The following CARM1 variants were observed in gnomAD, a reference collection of about 807,000 sequenced individuals.
CARM1 encodes coactivator associated arginine methyltransferase 1, also known as histone-arginine methyltransferase CARM1.
Under a neutral mutation model 72.7 loss-of-function variants are expected in CARM1, and 14 were observed. The observed-to-expected ratio is 0.19, with a 90% CI of 0.13 to 0.30. The LOEUF (loss-of-function observed/expected upper bound fraction) is 0.30, where lower values mean the gene tolerates loss of function less well. Among genes scored for constraint, CARM1 ranks in the 10% least tolerant of loss-of-function variants. CARM1 has a pLI of 1.00. For synonymous variants in CARM1, 333 were observed against 345.5 expected, an observed-to-expected ratio of 0.96 and a Z score of 0.40; for missense variants, 432 against 833.7, an observed-to-expected ratio of 0.52 and a Z score of 5.93.
chr19:10,921,754 C>A lies in CARM1; in HGVS notation c.1824C>A (p.Ser608Arg). Residue 608 changes from serine to arginine, a missense_variant, in exon 16 of 16, where the codon AGC becomes AGA. By Grantham distance (110) the Ser-to-Arg change is moderately radical. Coordinates refer to ENST00000327064, the MANE Select transcript of CARM1 (RefSeq NM_199141.2). ...CGACCAACACCATGCACTACGGGAGCTAGGGGCCCGCCCCGCGGACTGACA... is the reference window on the plus strand; with the variant it reads ...CGACCAACACCATGCACTACGGGAGATAGGGGCCCGCCCCGCGGACTGACA... ...SIPTNTMHYGS is the reference protein window; with the variant it reads ...SIPTNTMHYGR The A allele has an allele frequency of 6.3e-7, 1 of 1,594,812 alleles. No homozygotes were observed.
In CARM1 at chr19:10,905,021, C is replaced by G; in HGVS notation, c.291C>G (p.Ser97=). The G allele has an allele frequency of 6.2e-7, 1 of 1,614,200 alleles. No individual in the cohort carries two copies. Among genetic ancestry groups the G allele is most frequent in the Non-Finnish European group, 8.5e-7 (1 of 1,180,024 alleles). ...AGTGCAGCCGTGTGGGCAAGCAGTC[C>G]TTCATCATCACCCTGGGCTGCAACA... ...ETECSRVGKQ[S]FIITLGCNSV... The change falls in exon 2 of 16, where the codon TCC becomes TCG. Residue 97 remains serine, a synonymous_variant. Coordinates refer to ENST00000327064, the MANE Select transcript of CARM1 (RefSeq NM_199141.2).
intron 8 of CARM1, chr19:10,918,993 T>C (rs2053064): frequency 0.25 from 38,121 of 152,488 alleles, 4,844 homozygotes; most frequent in Middle Eastern, 0.34. Context: ...ACAGCAGCAC[T>C]AGTGTTGTTG....
In CARM1 at chr19:10,873,624, GTTTTTT is replaced by G. The variant is rs1169565864; in HGVS notation, c.220+1730_220+1735del. On this transcript the variant is annotated intron_variant, in intron 1 of 15. Transcript: ENST00000327064. ...TTTTTTTTAGAACAATTTTAGTTTA[GTTTTTT>G]TTTTTTTTTTTTTTTTTTTTTTTTT... Among the ~76,000 whole-genome samples the G allele has an allele frequency of 1.5e-4, 7 of 47,344 alleles. No homozygotes were observed. In the South Asian group the frequency reaches 5.1e-3, roughly 35 times the overall value. The allele number at this position is 47,344 out of a possible 152,430, so 31.1% of individuals were successfully genotyped here. A position where few individuals can be genotyped will look rare whatever the true frequency, so the allele number is the denominator to read the frequency against.
chr19:10,886,990 C>T (rs1372108566), intron 1 of CARM1, among the ~76,000 whole-genome samples: 1 of 152,244 alleles, frequency 6.6e-6, no homozygotes, highest in Non-Finnish European at 1.5e-5. Flanking sequence ...GCTGGGCCTC[C>T]TGCCTCGGTG....
At chr19:10,894,578 TTTGCCG>T (rs2074010612) in intron 1 of CARM1, among the ~76,000 whole-genome samples, 2 of 152,072 alleles carry the variant, frequency 1.3e-5, no homozygotes, top group Non-Finnish European at 2.9e-5. Context: ...CCGCCCCAGG[TTTGCCG>T]AGATAAATAG....
chr19:10,873,028 C>T (rs1381596103), intron 1 of CARM1, among the ~76,000 whole-genome samples: 4 of 152,130 alleles, frequency 2.6e-5, no homozygotes, highest in African/African-American at 9.7e-5. Context: ...TGTCTGCTGT[C>T]CGAGGGTGCC....
chr19:10,892,456 C>T (rs1001493237), intron 1 of CARM1, among the ~76,000 whole-genome samples: 1 of 152,184 alleles, frequency 6.6e-6, no homozygotes, highest in Non-Finnish European at 1.5e-5. Context: ...CCTCAGATAC[C>T]CGGGGCTGGG....
At position 10,922,079 on chromosome 19, in the gene CARM1, C is replaced by T. The variant is rs2074262399; in HGVS notation, c.*322C>T. The T allele has an allele frequency of 4.5e-6, 1 of 222,764 alleles. No individual in the cohort carries two copies. The highest frequency in any genetic ancestry group is 8.8e-6 in the Non-Finnish European group (1 of 114,012). The allele number at this position is 222,764 out of a possible 1,614,324, so 13.8% of individuals were successfully genotyped here. On this transcript the variant is annotated 3_prime_UTR_variant, in exon 16 of 16. Transcript: ENST00000327064. ...GGCGCCATGGGGCCTGCCAGCCCTGCCTGCCAGGTCCCTTAGCACCTGTCC... is the reference window on the plus strand; with the variant it reads ...GGCGCCATGGGGCCTGCCAGCCCTGTCTGCCAGGTCCCTTAGCACCTGTCC...
At chr19:10,903,992 A>G (rs1212024609) in intron 1 of CARM1, among the ~76,000 whole-genome samples, 1 of 152,026 alleles carries the variant, frequency 6.6e-6, no homozygotes, top group Non-Finnish European at 1.5e-5. Flanking sequence ...GTGTGGGCCC[A>G]GCCTCCCCAG....
At chr19:10,873,103 T>G (rs2073832937) in intron 1 of CARM1, among the ~76,000 whole-genome samples, 1 of 152,038 alleles carries the variant, frequency 6.6e-6, no homozygotes, top group Non-Finnish European at 1.5e-5. Flanking sequence ...GGAGGGTATT[T>G]CAGCGGGGGT....
rs1395639646 is a variant in CARM1 at position 10,916,103 on chromosome 19, G to A, written c.848-304G>A. 1.3e-5 allele frequency among the ~76,000 whole-genome samples: 2 copies of A among 152,334 alleles called. No homozygotes were observed. Among genetic ancestry groups the A allele is most frequent in the African/African-American group, 2.4e-5 (1 of 41,584 alleles). ...CCTGGCCACATCCCGGGCACTGCCT[G>A]CTTCCCCGTGAGTCTTTGGCAGGTC... On this transcript the variant is annotated intron_variant, in intron 6 of 15. Transcript: ENST00000327064. This position sits in a 1 kb window ranked among gnomAD's most constrained non-coding sequence, Gnocchi z 4.4.
chr19:10,902,819 A>G (rs945737197), intron 1 of CARM1, among the ~76,000 whole-genome samples: 2 of 152,060 alleles, frequency 1.3e-5, no homozygotes, highest in Non-Finnish European at 2.9e-5. Flanking sequence ...CATGTTGCCC[A>G]GGCTGGTCTC....
chr19:10,872,713 T>C (rs1276556385), intron 1 of CARM1, among the ~76,000 whole-genome samples: 1 of 152,166 alleles, frequency 6.6e-6, no homozygotes, highest in Non-Finnish European at 1.5e-5. Flanking sequence ...CAAATGCGTT[T>C]GCCAGCACCC....
intron 1 of CARM1, among the ~76,000 whole-genome samples, chr19:10,890,795 A>ATATATT (rs1217665879): frequency 2.7e-4 from 13 of 47,466 alleles, no homozygotes; most frequent in Non-Finnish European, 3.4e-4. Context: ...ATATATATAT[A>ATATATT]TTTTTTTTTT....
At chr19:10,877,147 A>T (rs1322028415) in intron 1 of CARM1, among the ~76,000 whole-genome samples, 1 of 152,098 alleles carries the variant, frequency 6.6e-6, no homozygotes, top group Non-Finnish European at 1.5e-5. Flanking sequence ...GGGCAGGGGT[A>T]TAGAAGAGCT....
intron 1 of CARM1, among the ~76,000 whole-genome samples, chr19:10,881,354 G>A (rs901932958): frequency 2.6e-5 from 4 of 152,190 alleles, no homozygotes; most frequent in Admixed American, 6.5e-5. Context: ...AGAAGGATCT[G>A]TGACTGAAAA....
Position 10,920,035 on chromosome 19 carries a change from C to CT in CARM1, c.1196+70dup. The CT allele has an allele frequency of 2.4e-6, 3 of 1,242,968 alleles. No homozygotes were observed. Among genetic ancestry groups the CT allele is most frequent in the East Asian group, 2.3e-5 (1 of 42,860 alleles). 77.0% of individuals were successfully genotyped at this position (1,242,968 alleles called of 1,614,324 possible). ...AGGGCTTCCTGCAGCTGCAACCTGG[C>CT]TGGGGGGGTGGAACATGGCTCCAGG... is the stretch of plus-strand genomic sequence containing the variant. On this transcript the variant is annotated intron_variant, in intron 10 of 15. Coordinates refer to ENST00000327064, the MANE Select transcript of CARM1 (RefSeq NM_199141.2). The surrounding 1 kb of genome is among the most constrained non-coding windows in gnomAD (Gnocchi z 5.3).
At chr19:10,911,485 C>T (rs1169261899) in intron 4 of CARM1, among the ~76,000 whole-genome samples, 1 of 152,220 alleles carries the variant, frequency 6.6e-6, no homozygotes, top group Non-Finnish European at 1.5e-5. Context: ...GATCCATTTC[C>T]TGGTTCATCT....
chr19:10,909,597 C>T (rs1232157704), intron 4 of CARM1, among the ~76,000 whole-genome samples: 3 of 151,874 alleles, frequency 2.0e-5, no homozygotes, highest in Non-Finnish European at 2.9e-5. Flanking sequence ...ATTAGTTGGG[C>T]GTGGTGGTGG....
Sources: gnomAD v4.1 joint callset for allele counts (sites outside exome capture counted in the v4.1 genomes callset) on GRCh38, gnomAD v4.1.1 for gene constraint, Gnocchi (gnomAD v3.1) non-coding constraint, MANE v1.5 for transcripts, NCBI Gene and HGNC (gene_info 2026-07-23, HGNC 2026-07-21) for gene names.